POLR2C: variants seen among roughly 807,000 people sequenced by gnomAD.
POLR2C encodes DNA-directed RNA polymerase II subunit RPB3.
Under a neutral mutation model 41.7 loss-of-function variants are expected in POLR2C, and 36 were observed. The observed-to-expected ratio is 0.86, with a 90% confidence interval of 0.66 to 1.14. The LOEUF is 1.14. POLR2C is among the 50% of genes most tolerant of loss of function. The pLI, the probability that POLR2C is intolerant of heterozygous loss-of-function variation, is 0.00. For synonymous variants in POLR2C, 133 were observed against 137.8 expected, an observed-to-expected ratio of 0.96 and a Z score of 0.25; for missense variants, 260 against 350.4, an observed-to-expected ratio of 0.74 and a Z score of 2.06.
chr16:57,470,259 C>T, intron 7 of POLR2C, 21 bp from the exon 8 acceptor site: 1 of 1,608,702 alleles, frequency 6.2e-7, no homozygotes. Context: ...CAACCTTGTG[C>T]TGACCTGTGT....
Position 57,469,331 on chromosome 16 carries a change from TTTCTC to T in POLR2C, c.387+45_387+49del, listed in dbSNP as rs758547396. 6 of 1,611,160 alleles carry T rather than the reference TTTCTC, an allele frequency of 3.7e-6. 1 individual carries two copies. In the South Asian group the frequency reaches 4.4e-5, roughly 12 times the overall value. On this transcript the variant is annotated intron_variant, in intron 5 of 8. Coordinates refer to ENST00000219252, the MANE Select transcript of POLR2C (RefSeq NM_032940.3). The surrounding 1 kb of genome is among the most constrained non-coding windows in gnomAD (Gnocchi z 5.8). ...GAGCATCCTCTTTTCCCTGGGATCT[TTTCTC>T]TTCTCTGGCTGGCTCCAAGTGGGCC...
intron 4 of POLR2C, among the ~76,000 whole-genome samples, chr16:57,468,169 A>G (rs1289277269): frequency 6.6e-6 from 1 of 151,934 alleles, no homozygotes; most frequent in Non-Finnish European, 1.5e-5. Flanking sequence ...GCACCACCAC[A>G]CCCAAAAAAT....
intron 3 of POLR2C, 48 bp downstream of exon 3, chr16:57,466,069 G>A (rs1216656348): frequency 7.0e-7 from 1 of 1,429,780 alleles, no homozygotes; most frequent in Admixed American, 1.7e-5. Flanking sequence ...ATTGTGCCTA[G>A]TGTCAGGAGG....
At chr16:57,468,299 G>A (rs1287681465) in intron 4 of POLR2C, among the ~76,000 whole-genome samples, 1 of 152,212 alleles carries the variant, frequency 6.6e-6, no homozygotes, top group Non-Finnish European at 1.5e-5. Flanking sequence ...TTATAGGCAT[G>A]AGCCACTGTG....
chr16:57,471,810 T>G lies in POLR2C; in HGVS notation c.*691T>G, dbSNP rs2030858164. 1.3e-5 allele frequency: 2 copies of G among 150,948 alleles called. No individual in the cohort carries two copies. Among genetic ancestry groups the G allele is most frequent in the Non-Finnish European group, 1.5e-5 (1 of 67,788 alleles). The allele number at this position is 150,948 out of a possible 1,614,324, so 9.4% of individuals were successfully genotyped here. On this transcript the variant is annotated 3_prime_UTR_variant, in exon 9 of 9. Transcript: ENST00000219252. ...GCCCCTCCCACATACACAGGAGGAG[T>G]ATTTCATTTCTCCTTAATGAAGGCT...
intron 4 of POLR2C, among the ~76,000 whole-genome samples, chr16:57,468,010 CTTTA>C (rs1419466426): frequency 6.6e-6 from 1 of 151,710 alleles, no homozygotes; most frequent in African/African-American, 2.4e-5. Flanking sequence ...TTTCATATTT[CTTTA>C]TTTTTCTATT....
chr16:57,467,943 T>A (rs1261221447), intron 4 of POLR2C, among the ~76,000 whole-genome samples: 1 of 152,214 alleles, frequency 6.6e-6, no homozygotes, highest in Non-Finnish European at 1.5e-5. Context: ...CAGTACATTT[T>A]TTTTAGGTTA....
chr16:57,469,309 C>T lies in POLR2C; in HGVS notation c.387+16C>T, dbSNP rs752434773. On this transcript the variant is annotated intron_variant, in intron 5 of 8. Coordinates refer to ENST00000219252, the MANE Select transcript of POLR2C (RefSeq NM_032940.3). This position sits in a 1 kb window ranked among gnomAD's most constrained non-coding sequence, Gnocchi z 5.8. ...GGTCATTCCGGTCAGTGCGGGAGAG[C>T]ATCCTCTTTTCCCTGGGATCTTTTC... is the stretch of plus-strand genomic sequence containing the variant. 1 of 1,613,822 alleles carries T rather than the reference C, an allele frequency of 6.2e-7. No individual in the cohort carries two copies.
chr16:57,467,352 G>T (rs1183866725), intron 4 of POLR2C, among the ~76,000 whole-genome samples: 7 of 152,226 alleles, frequency 4.6e-5, no homozygotes, highest in Admixed American at 2.6e-4. Context: ...CAGATCTCCA[G>T]ATTTTTGTTT....
chr16:57,462,934 C>T, intron 1 of POLR2C, 95 bp from the exon 2 acceptor site: 1 of 1,205,764 alleles, frequency 8.3e-7, no homozygotes. Context: ...AGAGCTGCCC[C>T]CCTGCACCAG....
chr16:57,466,041 G>A lies in POLR2C; in HGVS notation c.205+20G>A. ...GGCTTGGTGAGTACTCCTTTTACTA[G>A]GAGGTTAAAGGGAGGGTATTGTGCC... is the stretch of plus-strand genomic sequence containing the variant. On this transcript the variant is annotated intron_variant, in intron 3 of 8. Coordinates refer to ENST00000219252, the MANE Select transcript of POLR2C (RefSeq NM_032940.3). 2 of 1,504,410 alleles carry A rather than the reference G, an allele frequency of 1.3e-6. No homozygotes were observed. The highest frequency in any genetic ancestry group is 1.9e-6 in the Non-Finnish European group (2 of 1,080,402). The allele number at this position is 1,504,410 out of a possible 1,614,324, so 93.2% of individuals were successfully genotyped here. A position where few individuals can be genotyped will look rare whatever the true frequency, so the allele number is the denominator to read the frequency against.
At chr16:57,468,642 G>A (rs1048582262) in intron 4 of POLR2C, among the ~76,000 whole-genome samples, 1 of 152,188 alleles carries the variant, frequency 6.6e-6, no homozygotes, top group African/African-American at 2.4e-5. Context: ...AGTTTCTTAC[G>A]TGCTTCTCTA....
Position 57,469,282 on chromosome 16 carries a change from CG to C in POLR2C, c.379del (p.Val127SerfsTer4). ...TCGAGACCTCATCTCCAACAGCCCC[CG>C]GGTCATTCCGGTCAGTGCGGGAGAG... Reference protein sequence around the residue: ...TSRDLISNSPRVIPVTSRNRD... With the variant: ...TSRDLISNSPXVIPVTSRNRD... On this transcript the variant is annotated frameshift_variant, in exon 5 of 9. Transcript: ENST00000219252. LOFTEE classifies it high-confidence loss of function. This position sits in a 1 kb window ranked among gnomAD's most constrained non-coding sequence, Gnocchi z 5.8. 6.2e-7 allele frequency: 1 copy of C among 1,614,180 alleles called. No homozygotes were observed. Among genetic ancestry groups the C allele is most frequent in the Non-Finnish European group, 8.5e-7 (1 of 1,180,016 alleles).
Position 57,468,626 on chromosome 16 carries a change from G to T in POLR2C, c.259-539G>T, listed in dbSNP as rs190527937. On this transcript the variant is annotated intron_variant, in intron 4 of 8. Transcript: ENST00000219252. Reference sequence around the variant, plus strand: ...TATGGAAGGTGGTTGATGGTTATGGGATGGCAGTTTCTTACGTGCTTCTCT... The same window carrying T: ...TATGGAAGGTGGTTGATGGTTATGGTATGGCAGTTTCTTACGTGCTTCTCT... Among the ~76,000 whole-genome samples, 10 of 152,340 alleles carry T rather than the reference G, an allele frequency of 6.6e-5. No homozygotes were observed. In the East Asian group the frequency reaches 1.9e-3, roughly 29 times the overall value.
chr16:57,465,497 A>C (rs2030683987), intron 2 of POLR2C, among the ~76,000 whole-genome samples: 1 of 152,226 alleles, frequency 6.6e-6, no homozygotes, highest in Non-Finnish European at 1.5e-5. Context: ...TTGAGTGTTT[A>C]AAAAGTGCTA....
rs376715907 is a variant in POLR2C at position 57,462,799 on chromosome 16, C to T, written c.75C>T (p.Asn25=). The change falls in exon 1 of 9, where the codon AAC becomes AAT. Residue 25 remains asparagine (N), a synonymous_variant. Transcript: ENST00000219252. The part of the protein sequence containing the change: ...TDENVKFIIE[N]TDLAVANSIR... ...AGAATGTCAAGTTCATCATCGAGAA[C>T]ACCGACCTGGCGTAAGGCTACCGAG... The T allele has an allele frequency of 1.1e-5, 17 of 1,607,894 alleles. No homozygotes were observed. The highest frequency in any genetic ancestry group is 1.7e-4 in the Middle Eastern group (1 of 6,040).
chr16:57,462,697 A>T lies in POLR2C; in HGVS notation c.-28A>T, dbSNP rs1388612950. The T allele has an allele frequency of 1.3e-6, 2 of 1,552,238 alleles. No individual in the cohort carries two copies. Among genetic ancestry groups the T allele is most frequent in the East Asian group, 4.7e-5 (2 of 42,516 alleles). ...GCGCCGCGCAGTCACCGCGGAGCAG[A>T]CGCGGAGGCTGGTGGCCCCTGGGCG... On this transcript the variant is annotated 5_prime_UTR_variant, in exon 1 of 9. Coordinates refer to ENST00000219252, the MANE Select transcript of POLR2C (RefSeq NM_032940.3).
At chr16:57,463,872 G>A (rs138040136) in intron 2 of POLR2C, 6,104 of 297,346 alleles carry the variant, frequency 0.021, 86 homozygotes, top group South Asian at 0.029. Context: ...CCCAGAAGGT[G>A]GAGGTTGCAG....
intron 4 of POLR2C, among the ~76,000 whole-genome samples, chr16:57,467,453 C>T (rs1250592307): frequency 6.6e-6 from 1 of 152,188 alleles, no homozygotes; most frequent in Non-Finnish European, 1.5e-5. Flanking sequence ...TACGCATGCT[C>T]TATCACCTAG....
Sources: allele counts gnomAD v4.1 joint callset (sites outside exome capture counted in the v4.1 genomes callset), GRCh38; gene constraint gnomAD v4.1.1; non-coding constraint Gnocchi (gnomAD v3.1); transcripts MANE v1.5; gene names NCBI Gene and HGNC (gene_info 2026-07-23, HGNC 2026-07-21).